Variants in CLNK observed in about 807,000 individuals in gnomAD.
The protein encoded by CLNK is cytokine dependent hematopoietic cell linker, also known as cytokine-dependent hematopoietic cell linker.
CLNK carries 74 observed loss-of-function variants against 68.6 expected under a neutral mutation model. The observed-to-expected ratio is 1.08, with a 90% CI of 0.89 to 1.31. The LOEUF (loss-of-function observed/expected upper bound fraction) is 1.31, where lower values mean the gene tolerates loss of function less well. CLNK is among the 50% of genes most tolerant of loss of function. CLNK has a pLI of 0.00. For synonymous variants in CLNK, 198 were observed against 172.2 expected (o/e 1.15, Z -1.17); for missense variants, 553 against 515.3 (o/e 1.07, Z -0.71).
chr4:10,668,520 G>C (rs966274039), intron 1 of CLNK, among the ~76,000 whole-genome samples: 3 of 152,276 alleles, frequency 2.0e-5, no homozygotes, highest in South Asian at 2.1e-4. Flanking sequence ...ATCAGCTGAG[G>C]TTCCAGCAAG....
At chr4:10,538,352 C>T (rs1718882035) in intron 11 of CLNK, among the ~76,000 whole-genome samples, 1 of 152,230 alleles carries the variant, frequency 6.6e-6, no homozygotes, top group Admixed American at 6.5e-5. Flanking sequence ...TGGTCTTGAA[C>T]TCCTTGCCAC....
At chr4:10,723,737 G>T in the CLNK span, among the ~76,000 whole-genome samples, 1 of 152,098 alleles carries the variant, frequency 6.6e-6, no homozygotes, top group African/African-American at 2.4e-5. Context: ...ACTGTACATA[G>T]TAGATAACAC....
chr4:10,646,454 G>A (rs1396136836), intron 2 of CLNK, among the ~76,000 whole-genome samples: 1 of 152,208 alleles, frequency 6.6e-6, no homozygotes, highest in Admixed American at 6.5e-5. Flanking sequence ...TGTGCAAAGA[G>A]AAATGGCCTG....
chr4:10,718,972 G>A, the CLNK span, among the ~76,000 whole-genome samples: 3 of 152,022 alleles, frequency 2.0e-5, no homozygotes, highest in Non-Finnish European at 4.4e-5. Context: ...TGTGTTGACT[G>A]TAGTAAATGT....
chr4:10,678,105 T>G (rs939849495), intron 1 of CLNK, among the ~76,000 whole-genome samples: 1 of 152,206 alleles, frequency 6.6e-6, no homozygotes, highest in Admixed American at 6.5e-5. Flanking sequence ...AAACTTCCCC[T>G]TGCATAATTA....
chr4:10,494,166 C>G (rs16869060), intron 18 of CLNK, among the ~76,000 whole-genome samples: 57,781 of 152,018 alleles, frequency 0.38, 11,274 homozygotes, highest in African/African-American at 0.47. Flanking sequence ...TTCATGCTTG[C>G]TAAAACAAAA....
chr4:10,528,094 C>A lies in CLNK; in HGVS notation c.631G>T (p.Val211Phe), dbSNP rs371086220. 1.5e-6 allele frequency: 2 copies of A among 1,330,310 alleles called. No individual in the cohort carries two copies. Among genetic ancestry groups the A allele is most frequent in the Non-Finnish European group, 2.0e-6 (2 of 1,017,628 alleles). The allele number at this position is 1,330,310 out of a possible 1,614,324, so 82.4% of individuals were successfully genotyped here. The part of the protein sequence containing the change: ...SQISLRDLSE[V>F]LEAEKVPHNQ... ...AATTCACCTTTTTCTGCTTCAAGGA[C>A]CTGTATTGAATTAAAAAAAATAAAA... The change falls in exon 13 of 19, where the codon GTC becomes TTC. Residue 211 changes from valine (V) to phenylalanine (F), a missense_variant and splice_region_variant. Val to Phe is a conservative substitution (Grantham distance 50, BLOSUM62 -1). Transcript: ENST00000226951.
intron 11 of CLNK, among the ~76,000 whole-genome samples, chr4:10,537,252 TG>T (rs1718794148): frequency 2.0e-5 from 3 of 152,026 alleles, no homozygotes; most frequent in Admixed American, 1.3e-4. Context: ...CCAAGGCGGG[TG>T]GATCACCTGA....
rs114579490 is a variant in CLNK at position 10,674,119 on chromosome 4, C to T, written c.-42-6208G>A. On this transcript the variant is annotated intron_variant, in intron 1 of 18. Coordinates refer to ENST00000226951, the MANE Select transcript of CLNK (RefSeq NM_052964.4). ...TGGGTGATATTAATAGGTCCAGAGTCGACTCTGCTGTGGGGAAGCTGAAGG... is the reference window on the plus strand; with the variant it reads ...TGGGTGATATTAATAGGTCCAGAGTTGACTCTGCTGTGGGGAAGCTGAAGG... Among the ~76,000 whole-genome samples the T allele has an allele frequency of 2.7e-3, 410 of 152,194 alleles. 3 individuals carry two copies. Among genetic ancestry groups the T allele is most frequent in the African/African-American group, 9.5e-3 (394 of 41,506 alleles).
chr4:10,644,591 T>TGA (rs1381265452), intron 2 of CLNK, among the ~76,000 whole-genome samples: 1 of 152,134 alleles, frequency 6.6e-6, no homozygotes, highest in Middle Eastern at 3.2e-3. Flanking sequence ...AAGAACAGGG[T>TGA]GAGACACATG....
intron 14 of CLNK, chr4:10,524,087 A>G (rs6839849): frequency 0.017 from 2,639 of 153,910 alleles, 92 homozygotes; most frequent in African/African-American, 0.062. Context: ...AGAAAAGAGA[A>G]GAGGAGGAGG....
chr4:10,550,604 G>T (rs2108813860), intron 8 of CLNK, among the ~76,000 whole-genome samples: 2 of 152,322 alleles, frequency 1.3e-5, no homozygotes, highest in Middle Eastern at 6.8e-3. Flanking sequence ...GTCTGAAACT[G>T]AGGATAGTAA....
chr4:10,551,535 C>G (rs61795092), intron 8 of CLNK, among the ~76,000 whole-genome samples: 6,171 of 152,182 alleles, frequency 0.041, 187 homozygotes, highest in Middle Eastern at 0.099. Context: ...TCCAAAAGTG[C>G]TGGGGTTACA....
chr4:10,685,562 A>C (rs1186863837), upstream of CLNK, among the ~76,000 whole-genome samples: 1 of 152,156 alleles, frequency 6.6e-6, no homozygotes, highest in Non-Finnish European at 1.5e-5. Flanking sequence ...GAGACTTGAC[A>C]TTCTAGTTTT....
At chr4:10,629,512 C>A (rs995874756) in intron 2 of CLNK, among the ~76,000 whole-genome samples, 4 of 152,174 alleles carry the variant, frequency 2.6e-5, no homozygotes, top group Non-Finnish European at 5.9e-5. Context: ...GTGGGCACAG[C>A]TGGGGCAGAG....
At chr4:10,700,624 C>T in the CLNK span, among the ~76,000 whole-genome samples, 1 of 152,162 alleles carries the variant, frequency 6.6e-6, no homozygotes, top group African/African-American at 2.4e-5. Flanking sequence ...AGCTCAAATG[C>T]AGTGGTCGTG....
the CLNK span, among the ~76,000 whole-genome samples, chr4:10,713,301 G>C: frequency 6.6e-6 from 1 of 152,166 alleles, no homozygotes; most frequent in East Asian, 1.9e-4. Context: ...GTTGTCAAGT[G>C]TCCCACACTC....
intron 2 of CLNK, among the ~76,000 whole-genome samples, chr4:10,618,344 T>C (rs927714620): frequency 1.3e-5 from 2 of 152,124 alleles, no homozygotes; most frequent in African/African-American, 4.8e-5. Flanking sequence ...AAAAAGTAGA[T>C]TAGTAATTGC....
intron 2 of CLNK, among the ~76,000 whole-genome samples, chr4:10,633,562 G>A (rs1722969471): frequency 6.6e-6 from 1 of 152,278 alleles, no homozygotes; most frequent in East Asian, 1.9e-4. Context: ...ATTTGACAGA[G>A]ACCCATGCCT....
Sources: allele counts gnomAD v4.1 joint callset (sites outside exome capture counted in the v4.1 genomes callset), GRCh38; gene constraint gnomAD v4.1.1; transcripts MANE v1.5; gene names NCBI Gene and HGNC (gene_info 2026-07-23, HGNC 2026-07-21).